Variants in PAK6 observed in about 807,000 individuals in gnomAD.
PAK6 encodes p21 (RAC1) activated kinase 6, also known as serine/threonine-protein kinase PAK 6.
Under a neutral mutation model 60.8 loss-of-function variants are expected in PAK6, and 33 were observed. The ratio of observed to expected loss-of-function variants is 0.54; its 90% CI spans 0.41 to 0.73. PAK6 has a LOEUF of 0.73. PAK6 is among the 30% of genes least tolerant of loss of function. The probability of loss-of-function intolerance (pLI) is 0.00; values close to 1 mark genes in which losing one functional copy is unlikely to be tolerated. For synonymous variants in PAK6, 404 were observed against 378.5 expected (o/e 1.07, Z -0.78); for missense variants, 845 against 904.1 (o/e 0.93, Z 0.84).
intron 7 of PAK6, 60 bp from the exon 8 acceptor site, chr15:40,273,286 C>A: frequency 6.3e-7 from 1 of 1,583,314 alleles, no homozygotes; most frequent in Non-Finnish European, 8.6e-7. Flanking sequence ...TGCTCAGCCA[C>A]CCCACGACCT....
chr15:40,254,100 G>A (rs547715140), intron 3 of PAK6, among the ~76,000 whole-genome samples: 8 of 152,324 alleles, frequency 5.3e-5, no homozygotes, highest in Non-Finnish European at 8.8e-5. Context: ...ATTTGGAACC[G>A]AAGAGAGTGG....
In PAK6 at chr15:40,273,328, C is replaced by T. The variant is rs1240044842; in HGVS notation, c.1491-18C>T. The T allele has an allele frequency of 2.5e-6, 4 of 1,610,984 alleles. No homozygotes were observed. In the South Asian group the frequency reaches 4.4e-5, roughly 18 times the overall value. ...GCTAACGTTCTCTTTCATCGGGTGGCCCCACCTTCCTGTCCAGGCTGAATG... is the reference window on the plus strand; with the variant it reads ...GCTAACGTTCTCTTTCATCGGGTGGTCCCACCTTCCTGTCCAGGCTGAATG... On this transcript the variant is annotated intron_variant, in intron 7 of 10. Transcript: ENST00000560346.
intron 3 of PAK6, among the ~76,000 whole-genome samples, chr15:40,260,890 A>T (rs1012316751): frequency 4.3e-5 from 5 of 116,884 alleles, no homozygotes; most frequent in East Asian, 2.1e-4. Context: ...CTTTTTAAAA[A>T]TTTCATTTTT....
At position 40,252,579 on chromosome 15, in the gene PAK6, C is replaced by A. The variant is rs1279875159; in HGVS notation, c.-117-599C>A. ...GCGGTCAGGTGAAGCCGGCGCTGCA[C>A]CAACGTGTAAGCGCGGCCCCTCCTC... On this transcript the variant is annotated intron_variant, in intron 2 of 10. Coordinates refer to ENST00000560346, the Ensembl canonical transcript of PAK6. 5 of 1,358,790 alleles carry A rather than the reference C, an allele frequency of 3.7e-6. No individual in the cohort carries two copies. The South Asian group carries it at 4.6e-5, about 12-fold the overall frequency. 84.2% of individuals were successfully genotyped at this position (1,358,790 alleles called of 1,614,324 possible). A position where few individuals can be genotyped will look rare whatever the true frequency, so the allele number is the denominator to read the frequency against.
At chr15:40,256,425 C>A (rs2038836415) in intron 3 of PAK6, among the ~76,000 whole-genome samples, 1 of 152,164 alleles carries the variant, frequency 6.6e-6, no homozygotes, top group Non-Finnish European at 1.5e-5. Context: ...GTCAAGAAAC[C>A]CTGCTGCAGG....
At chr15:40,253,893 T>G (rs111519229) in intron 3 of PAK6, among the ~76,000 whole-genome samples, 1 of 147,946 alleles carries the variant, frequency 6.8e-6, no homozygotes, top group Non-Finnish European at 1.5e-5. Context: ...GGTGGTTTTT[T>G]GGGGGCTTTT....
At chr15:40,252,709 C>A in intron 2 of PAK6, 1 of 1,304,822 alleles carries the variant, frequency 7.7e-7, no homozygotes, top group East Asian at 5.4e-5. Flanking sequence ...CCCCGGCTGC[C>A]CCGGAGGTTC....
chr15:40,262,895 G>A (rs970492697), intron 3 of PAK6, among the ~76,000 whole-genome samples: 4 of 152,074 alleles, frequency 2.6e-5, no homozygotes, highest in Non-Finnish European at 5.9e-5. Flanking sequence ...TTATTAGTGG[G>A]AGACTCCCTA....
intron 5 of PAK6, among the ~76,000 whole-genome samples, chr15:40,271,703 G>T (rs2039306727): frequency 6.6e-6 from 1 of 151,776 alleles, no homozygotes; most frequent in Non-Finnish European, 1.5e-5. Flanking sequence ...CCCCAGGTGT[G>T]GCTCCCCTGC....
At chr15:40,272,562 C>T (rs762745310) in exon 6 of PAK6, 4 of 1,613,512 alleles carry the variant, frequency 2.5e-6, no homozygotes, top group South Asian at 1.1e-5. Flanking sequence ...TGGTGGTGGA[C>T]CAGGGTGACC....
At chr15:40,262,314 G>A (rs1419571321) in intron 3 of PAK6, among the ~76,000 whole-genome samples, 1 of 152,140 alleles carries the variant, frequency 6.6e-6, no homozygotes, top group African/African-American at 2.4e-5. Flanking sequence ...GACCAGCCTG[G>A]CCAACATGGT....
intron 3 of PAK6, among the ~76,000 whole-genome samples, chr15:40,261,407 T>G (rs2038982384): frequency 6.6e-6 from 1 of 151,688 alleles, no homozygotes; most frequent in African/African-American, 2.4e-5. Flanking sequence ...CGTGATGGCG[T>G]GCGCCTGTAG....
At chr15:40,268,378 G>A (rs998069761) in intron 5 of PAK6, among the ~76,000 whole-genome samples, 6 of 152,092 alleles carry the variant, frequency 3.9e-5, no homozygotes, top group East Asian at 1.9e-4. Context: ...TGGTACCCTC[G>A]GTTGGAATAA....
At chr15:40,268,555 G>A (rs1374345849) in intron 5 of PAK6, among the ~76,000 whole-genome samples, 1 of 152,132 alleles carries the variant, frequency 6.6e-6, no homozygotes, top group Non-Finnish European at 1.5e-5. Flanking sequence ...TTGGCACTGG[G>A]GCTGACTCTG....
intron 6 of PAK6, 33 bp from the exon 7 acceptor site, chr15:40,272,833 G>T: frequency 6.2e-7 from 1 of 1,609,222 alleles, no homozygotes; most frequent in Non-Finnish European, 8.5e-7. Context: ...TCTGGGCACT[G>T]TGCCTGGCAC....
intron 2 of PAK6, chr15:40,252,777 C>T: frequency 7.7e-7 from 1 of 1,300,898 alleles, no homozygotes; most frequent in Non-Finnish European, 1.0e-6. Context: ...GCCCATGCCC[C>T]GAAGTTCGGG....
At chr15:40,272,572 C>G (rs544933416) in exon 6 of PAK6, 1 of 1,613,254 alleles carries the variant, frequency 6.2e-7, no homozygotes, top group African/African-American at 1.3e-5. Context: ...CCAGGGTGAC[C>G]CCCGGCTGCT....
At chr15:40,242,605 A>G (rs1211723453) in intron 2 of PAK6, among the ~76,000 whole-genome samples, 1 of 152,136 alleles carries the variant, frequency 6.6e-6, no homozygotes, top group Non-Finnish European at 1.5e-5. Context: ...TTGCAAATGG[A>G]AGCTTCTGAG....
chr15:40,276,266 C>A, exon 11 of PAK6: 1 of 622,966 alleles, frequency 1.6e-6, no homozygotes, highest in East Asian at 2.8e-5. Context: ...CCGGACCTGC[C>A]CCCTCAGTGT....
Sources: gnomAD v4.1 joint callset for allele counts (sites outside exome capture counted in the v4.1 genomes callset) on GRCh38, gnomAD v4.1.1 for gene constraint, MANE v1.5 for transcripts, NCBI Gene and HGNC (gene_info 2026-07-23, HGNC 2026-07-21) for gene names.